The following ZNF423 variants were observed in gnomAD, a reference collection of about 807,000 sequenced individuals.
The protein encoded by ZNF423 is Ebf-associated zinc finger protein.
Under a neutral mutation model 95.8 loss-of-function variants are expected in ZNF423, and 12 were observed. That is an observed-to-expected ratio of 0.13 (90% confidence interval 0.08 to 0.20). ZNF423 has a LOEUF of 0.20. ZNF423 is among the 10% of genes least tolerant of loss of function. ZNF423 has a pLI of 1.00. For missense variants in ZNF423, 1,316 were observed against 1,737.1 expected (o/e 0.76, Z 4.31); for synonymous variants, 749 against 711.9 (o/e 1.05, Z -0.83).
intron 3 of ZNF423, among the ~76,000 whole-genome samples, chr16:49,681,152 A>G (rs1044700925): frequency 6.6e-6 from 1 of 151,348 alleles, no homozygotes; most frequent in Non-Finnish European, 1.5e-5. Context: ...AGAAAGCACT[A>G]TGTGGCGGAC....
intron 1 of ZNF423, among the ~76,000 whole-genome samples, chr16:49,853,341 C>T (rs553114780): frequency 3.9e-5 from 6 of 152,178 alleles, no homozygotes; most frequent in African/African-American, 1.4e-4. Context: ...AATCCCTCAC[C>T]TGCTGGAACT....
In ZNF423 at chr16:49,791,202, G is replaced by A. The variant is rs187723450; in HGVS notation, c.41-1656C>T. On this transcript the variant is annotated intron_variant, in intron 1 of 7. Coordinates refer to ENST00000563137, the MANE Select transcript of ZNF423 (RefSeq NM_001379286.1). Reference sequence around the variant, plus strand: ...ACAGGCAGGATCAAGACAATGAAATGCACAGATAATTTGAGCTGGGACCCA... The same window carrying A: ...ACAGGCAGGATCAAGACAATGAAATACACAGATAATTTGAGCTGGGACCCA... Among the ~76,000 whole-genome samples the A allele has an allele frequency of 8.9e-4, 135 of 152,324 alleles. 2 individuals are homozygous for A. Among genetic ancestry groups the A allele is most frequent in the African/African-American group, 3.2e-3 (131 of 41,580 alleles).
In ZNF423 at chr16:49,845,527, T is replaced by G. The variant is rs79365388; in HGVS notation, c.40+10208A>C. 6.3e-3 allele frequency among the ~76,000 whole-genome samples: 957 copies of G among 151,752 alleles called. 60 individuals are homozygous for G. The East Asian group carries it at 0.14, about 22-fold the overall frequency. On this transcript the variant is annotated intron_variant, in intron 1 of 7. Coordinates refer to ENST00000563137, the MANE Select transcript of ZNF423 (RefSeq NM_001379286.1). Reference sequence around the variant, plus strand: ...TTCTGAGCCACCACGGCTCCCATTTTTGTTTTGTTTTGTTTTGGTTTGTTT... The same window carrying G: ...TTCTGAGCCACCACGGCTCCCATTTGTGTTTTGTTTTGTTTTGGTTTGTTT...
At chr16:49,689,274 T>C (rs1400216187) in intron 3 of ZNF423, among the ~76,000 whole-genome samples, 1 of 15,962 alleles carries the variant, frequency 6.3e-5, no homozygotes, top group Non-Finnish European at 1.4e-4. Flanking sequence ...AGACCCCATC[T>C]CTACAAAAAA....
At chr16:49,533,506 T>A (rs563487304) in intron 5 of ZNF423, among the ~76,000 whole-genome samples, 1 of 152,328 alleles carries the variant, frequency 6.6e-6, no homozygotes, top group South Asian at 2.1e-4. Flanking sequence ...TCCAGATGGT[T>A]CCACTGACCA....
intron 2 of ZNF423, among the ~76,000 whole-genome samples, chr16:49,732,209 G>C (rs1182248651): frequency 1.3e-5 from 2 of 152,102 alleles, no homozygotes; most frequent in Non-Finnish European, 2.9e-5. Flanking sequence ...CGTGACTCCT[G>C]GTCTAGTTCA....
intron 3 of ZNF423, among the ~76,000 whole-genome samples, chr16:49,663,888 G>A (rs1000336709): frequency 1.3e-5 from 2 of 152,144 alleles, no homozygotes; most frequent in Non-Finnish European, 2.9e-5. Flanking sequence ...GCAGCTGGCC[G>A]CCCACTTTTC....
At chr16:49,722,691 C>T (rs1475318204) in intron 3 of ZNF423, among the ~76,000 whole-genome samples, 1 of 152,172 alleles carries the variant, frequency 6.6e-6, no homozygotes, top group Non-Finnish European at 1.5e-5. Context: ...TGCACACACC[C>T]CTTTGCCTTG....
At position 49,815,169 on chromosome 16, in the gene ZNF423, G is replaced by A. The variant is rs189865770; in HGVS notation, c.41-25623C>T. Among the ~76,000 whole-genome samples, 84 of 152,194 alleles carry A rather than the reference G, an allele frequency of 5.5e-4. 1 individual carries two copies. Among genetic ancestry groups the A allele is most frequent in the East Asian group, 1.7e-3 (9 of 5,180 alleles). ...TCTTATCAGTAAAATGGGTCAAAGAGGGCCTACCTTAGTGGGAGAATAGGC... is the reference window on the plus strand; with the variant it reads ...TCTTATCAGTAAAATGGGTCAAAGAAGGCCTACCTTAGTGGGAGAATAGGC... On this transcript the variant is annotated intron_variant, in intron 1 of 7. Transcript: ENST00000563137.
At chr16:49,785,679 T>C (rs1432552895) in intron 2 of ZNF423, among the ~76,000 whole-genome samples, 1 of 152,234 alleles carries the variant, frequency 6.6e-6, no homozygotes, top group African/African-American at 2.4e-5. Context: ...CAGCAGGAGC[T>C]GAGGGCCAGC....
intron 1 of ZNF423, among the ~76,000 whole-genome samples, chr16:49,843,847 A>C (rs2035216455): frequency 6.6e-6 from 1 of 151,728 alleles, no homozygotes; most frequent in Admixed American, 6.6e-5. Context: ...CCCCCCTCCA[A>C]AGATGAAGAG....
intron 3 of ZNF423, among the ~76,000 whole-genome samples, chr16:49,717,136 A>G (rs759737853): frequency 1.8e-4 from 28 of 152,014 alleles, no homozygotes; most frequent in Non-Finnish European, 3.1e-4. Context: ...GTCCCTGGGG[A>G]CTTCTGGAAT....
chr16:49,735,294 C>T (rs2033258949), intron 2 of ZNF423, among the ~76,000 whole-genome samples: 1 of 152,222 alleles, frequency 6.6e-6, no homozygotes, highest in Non-Finnish European at 1.5e-5. Flanking sequence ...AAGATCTCCA[C>T]CAGCCTGGGC....
intron 1 of ZNF423, among the ~76,000 whole-genome samples, chr16:49,840,887 C>A (rs1010815893): frequency 3.3e-5 from 5 of 152,226 alleles, no homozygotes; most frequent in African/African-American, 1.2e-4. Flanking sequence ...CCCACACAGC[C>A]GCTTCCCTGA....
intron 1 of ZNF423, among the ~76,000 whole-genome samples, chr16:49,808,429 T>C (rs1305848556): frequency 2.6e-5 from 4 of 152,064 alleles, no homozygotes; most frequent in Non-Finnish European, 1.5e-5. Flanking sequence ...AAGGAATAAA[T>C]ATATATAAGT....
At chr16:49,510,662 G>A (rs936084609) in intron 7 of ZNF423, among the ~76,000 whole-genome samples, 1 of 152,186 alleles carries the variant, frequency 6.6e-6, no homozygotes, top group African/African-American at 2.4e-5. Flanking sequence ...CAGGCCCCAA[G>A]GCCCCATGTC....
intron 1 of ZNF423, among the ~76,000 whole-genome samples, chr16:49,798,093 C>G (rs2034527246): frequency 6.6e-6 from 1 of 152,162 alleles, no homozygotes; most frequent in African/African-American, 2.4e-5. Flanking sequence ...GCCTGTCATC[C>G]CAGCAACTCG....
rs1365597540 is a variant in ZNF423 at position 49,842,284 on chromosome 16, G to T, written c.40+13451C>A. 6.9e-3 allele frequency among the ~76,000 whole-genome samples: 298 copies of T among 43,260 alleles called. 3 individuals are homozygous for T. Among genetic ancestry groups the T allele is most frequent in the Non-Finnish European group, 0.012 (240 of 19,826 alleles). The allele number at this position is 43,260 out of a possible 152,430, so 28.4% of individuals were successfully genotyped here. A position where few individuals can be genotyped will look rare whatever the true frequency, so the allele number is the denominator to read the frequency against. ...GAGGGGAAGGGAGGGGAGGGGAGGG[G>T]AGGGGAGGGGAGGGGAGGGGAGGCG... On this transcript the variant is annotated intron_variant, in intron 1 of 7. Transcript: ENST00000563137.
At chr16:49,658,571 C>A (rs2030018304) in intron 3 of ZNF423, among the ~76,000 whole-genome samples, 1 of 152,232 alleles carries the variant, frequency 6.6e-6, no homozygotes, top group Non-Finnish European at 1.5e-5. Flanking sequence ...CCCAGCCCTG[C>A]CCGTGATGGG....
Sources: allele counts gnomAD v4.1 joint callset (sites outside exome capture counted in the v4.1 genomes callset), GRCh38; gene constraint gnomAD v4.1.1; transcripts MANE v1.5; gene names NCBI Gene and HGNC (gene_info 2026-07-23, HGNC 2026-07-21).